The following SCGB2B2 variants were observed in gnomAD, a reference collection of about 807,000 sequenced individuals.
The protein encoded by SCGB2B2 is secretoglobin-like protein.
SCGB2B2 carries 11 observed loss-of-function variants against 7.6 expected under a neutral mutation model. The ratio of observed to expected loss-of-function variants is 1.45; its 90% CI spans 0.91 to 2.40. The LOEUF (loss-of-function observed/expected upper bound fraction) is 2.40, where lower values mean the gene tolerates loss of function less well. SCGB2B2 is among the 30% of genes most tolerant of loss of function. SCGB2B2 has a pLI of 0.00. For synonymous variants in SCGB2B2, 50 were observed against 48.6 expected (o/e 1.03, Z -0.12); for missense variants, 104 against 115.4 (o/e 0.90, Z 0.45).
At chr19:34,653,079 T>C (rs1568441055) in intron 1 of SCGB2B2, among the ~76,000 whole-genome samples, 1 of 151,394 alleles carries the variant, frequency 6.6e-6, no homozygotes, top group Admixed American at 6.6e-5. Flanking sequence ...CTTGGAGTCA[T>C]TGTTTTAAGC....
intron 1 of SCGB2B2, among the ~76,000 whole-genome samples, chr19:34,656,789 T>C (rs566781832): frequency 3.3e-5 from 5 of 151,384 alleles, no homozygotes; most frequent in African/African-American, 1.2e-4. Context: ...AACTTTCTTA[T>C]AAGCCTAAAA....
At chr19:34,650,535 A>G (rs1378287950) in intron 1 of SCGB2B2, among the ~76,000 whole-genome samples, 3 of 151,288 alleles carry the variant, frequency 2.0e-5, no homozygotes, top group African/African-American at 7.4e-5. Context: ...GGAAAAATAT[A>G]ACCTACCGGG....
intron 1 of SCGB2B2, among the ~76,000 whole-genome samples, chr19:34,613,600 T>C (rs1207008174): frequency 2.0e-5 from 3 of 150,448 alleles, no homozygotes; most frequent in Admixed American, 1.3e-4. Flanking sequence ...CTGAGTGTTG[T>C]GTATATCCTT....
At chr19:34,670,890 G>A (rs964750387) in intron 1 of SCGB2B2, among the ~76,000 whole-genome samples, 42 of 152,172 alleles carry the variant, frequency 2.8e-4, no homozygotes, top group Non-Finnish European at 4.3e-4. Flanking sequence ...CTTGAATATT[G>A]TATACCGTGT....
Position 34,591,621 on chromosome 19 carries a change from C to T in SCGB2B2, c.*1934G>A, listed in dbSNP as rs944932543. On this transcript the variant is annotated 3_prime_UTR_variant, in exon 4 of 4. Coordinates refer to ENST00000601241, the MANE Select transcript of SCGB2B2 (RefSeq NM_001025591.4). Reference sequence around the variant, plus strand: ...GTCCTGCGTGACCTGGCACTTGCCTCGTTTTCTGACGTGACCTCCTTCCCT... The same window carrying T: ...GTCCTGCGTGACCTGGCACTTGCCTTGTTTTCTGACGTGACCTCCTTCCCT... Among the ~76,000 whole-genome samples the T allele has an allele frequency of 8.5e-5, 13 of 152,358 alleles. No individual in the cohort carries two copies. Among genetic ancestry groups the T allele is most frequent in the Non-Finnish European group, 1.2e-4 (8 of 68,036 alleles).
chr19:34,639,272 C>A (rs186371776), intron 1 of SCGB2B2, among the ~76,000 whole-genome samples: 2 of 152,334 alleles, frequency 1.3e-5, no homozygotes, highest in African/African-American at 4.8e-5. Flanking sequence ...TCCCAATTCA[C>A]CCTGACGCTC....
rs1346476756 is a variant in SCGB2B2, at chr19:34,595,361, T to C, written c.-798A>G. On this transcript the variant is annotated 5_prime_UTR_variant, in exon 2 of 4. Coordinates refer to ENST00000601241, the MANE Select transcript of SCGB2B2 (RefSeq NM_001025591.4). ...GTCCCTTCGATCTAAGAAGCAGATG[T>C]TCAGGGAGAAACAGTGAAAGGGTGG... 6.6e-6 allele frequency: 1 copy of C among 152,602 alleles called. No homozygotes were observed. The highest frequency in any genetic ancestry group is 1.5e-5 in the Non-Finnish European group (1 of 68,068). The allele number at this position is 152,602 out of a possible 1,614,324, so 9.5% of individuals were successfully genotyped here.
chr19:34,668,091 C>A (rs1600072650), intron 1 of SCGB2B2, among the ~76,000 whole-genome samples: 1 of 152,226 alleles, frequency 6.6e-6, no homozygotes, highest in African/African-American at 2.4e-5. Context: ...CCCACTTTGG[C>A]GGCACTTAAG....
chr19:34,669,144 C>T (rs1047576581), intron 1 of SCGB2B2, among the ~76,000 whole-genome samples: 13 of 152,094 alleles, frequency 8.5e-5, no homozygotes, highest in African/African-American at 2.2e-4. Flanking sequence ...CCAGACGCGC[C>T]GCCTTAAGAA....
At chr19:34,631,125 G>C (rs4806032) in intron 1 of SCGB2B2, among the ~76,000 whole-genome samples, 1 of 107,518 alleles carries the variant, frequency 9.3e-6, no homozygotes, top group East Asian at 3.4e-4. Flanking sequence ...GGGGTGGGGG[G>C]AGGGGGGAGG....
chr19:34,643,836 G>A lies in SCGB2B2; in HGVS notation c.-2032+31794C>T, dbSNP rs574135578. ...ATTAATTTAAGGAGAAAAATTGGTA[G>A]AACACCTGATGAAGATAAAGATGGA... is the stretch of plus-strand genomic sequence containing the variant. On this transcript the variant is annotated intron_variant, in intron 1 of 3. Coordinates refer to ENST00000601241, the MANE Select transcript of SCGB2B2 (RefSeq NM_001025591.4). 9.9e-5 allele frequency among the ~76,000 whole-genome samples: 15 copies of A among 151,848 alleles called. No homozygotes were observed. The South Asian group carries it at 3.1e-3, about 32-fold the overall frequency.
chr19:34,588,956 G>A (rs568759391), downstream of SCGB2B2, among the ~76,000 whole-genome samples: 18 of 152,182 alleles, frequency 1.2e-4, no homozygotes, highest in Non-Finnish European at 2.6e-4. Context: ...AAGCTGGGGT[G>A]TACAGAGGGA....
At position 34,594,643 on chromosome 19, in the gene SCGB2B2, A is replaced by G; in HGVS notation, c.-80T>C. 2 of 1,006,940 alleles carry G rather than the reference A, an allele frequency of 2.0e-6. No individual in the cohort carries two copies. The highest frequency in any genetic ancestry group is 3.1e-6 in the Non-Finnish European group (2 of 642,842). 62.4% of individuals were successfully genotyped at this position (1,006,940 alleles called of 1,614,324 possible). ...CTTTATGTATATCTGAACAAGGCAC[A>G]TGCCTCTTCGTGTGTGTGTGTGTGT... On this transcript the variant is annotated 5_prime_UTR_variant, in exon 2 of 4. An upstream start codon of the reference 5' UTR is lost. Transcript: ENST00000601241.
intron 1 of SCGB2B2, among the ~76,000 whole-genome samples, chr19:34,669,154 A>G (rs1283466785): frequency 6.6e-6 from 1 of 152,026 alleles, no homozygotes; most frequent in Non-Finnish European, 1.5e-5. Context: ...CGCCTTAAGA[A>G]CTGTAACACT....
chr19:34,588,090 GAGA>G (rs1388798980), downstream of SCGB2B2, among the ~76,000 whole-genome samples: 1 of 152,206 alleles, frequency 6.6e-6, no homozygotes, highest in African/African-American at 2.4e-5. Flanking sequence ...GGAAGAGTTT[GAGA>G]AGAATTGCTA....
At chr19:34,604,801 C>T (rs1254605176) in intron 1 of SCGB2B2, among the ~76,000 whole-genome samples, 2 of 152,102 alleles carry the variant, frequency 1.3e-5, no homozygotes, top group Admixed American at 6.5e-5. Context: ...ATGCCTTATT[C>T]TATTAAGTTG....
chr19:34,621,439 C>T (rs2066238123), intron 1 of SCGB2B2, among the ~76,000 whole-genome samples: 1 of 151,506 alleles, frequency 6.6e-6, no homozygotes, highest in South Asian at 2.1e-4. Flanking sequence ...AAATGGAATC[C>T]TTGGCATTTT....
chr19:34,605,282 T>G (rs2065746173), intron 1 of SCGB2B2, among the ~76,000 whole-genome samples: 1 of 152,252 alleles, frequency 6.6e-6, no homozygotes, highest in African/African-American at 2.4e-5. Context: ...TGGATTTCCA[T>G]GAGTTTTGAG....
intron 1 of SCGB2B2, among the ~76,000 whole-genome samples, chr19:34,610,363 A>C (rs184618177): frequency 6.6e-6 from 1 of 152,158 alleles, no homozygotes; most frequent in Admixed American, 6.5e-5. Flanking sequence ...AAAGTGATGA[A>C]AGTGGCCATT....
Sources: gnomAD v4.1 joint callset for allele counts (sites outside exome capture counted in the v4.1 genomes callset) on GRCh38, gnomAD v4.1.1 for gene constraint, MANE v1.5 for transcripts, NCBI Gene and HGNC (gene_info 2026-07-23, HGNC 2026-07-21) for gene names.